ZBTB16: variants seen among roughly 807,000 people sequenced by gnomAD.
The protein encoded by ZBTB16 is zinc finger and BTB domain-containing protein 16.
Under a neutral mutation model 56.8 loss-of-function variants are expected in ZBTB16, and 8 were observed. The ratio of observed to expected loss-of-function variants is 0.14; its 90% CI spans 0.08 to 0.25. ZBTB16 has a LOEUF of 0.25. Among genes scored for constraint, ZBTB16 ranks in the 10% least tolerant of loss-of-function variants. The pLI is 1.00. For missense variants in ZBTB16, 625 were observed against 903.0 expected, an observed-to-expected ratio of 0.69 and a Z score of 3.95; for synonymous variants, 363 against 368.5, an observed-to-expected ratio of 0.98 and a Z score of 0.17.
chr11:114,137,541 A>G (rs1941830277), intron 2 of ZBTB16, among the ~76,000 whole-genome samples: 1 of 152,192 alleles, frequency 6.6e-6, no homozygotes, highest in South Asian at 2.1e-4. Flanking sequence ...TTATATGACT[A>G]GACTTGAGGA....
chr11:114,191,617 C>A (rs753850532), intron 4 of ZBTB16, among the ~76,000 whole-genome samples: 1 of 152,158 alleles, frequency 6.6e-6, no homozygotes, highest in Non-Finnish European at 1.5e-5. Context: ...GAGTGTTGTC[C>A]GTGGGCTAAA....
intron 4 of ZBTB16, among the ~76,000 whole-genome samples, chr11:114,205,052 C>T (rs1459674585): frequency 2.6e-5 from 4 of 152,018 alleles, no homozygotes; most frequent in African/African-American, 9.7e-5. Flanking sequence ...TATCCCAGGC[C>T]CAACTAGGGA....
chr11:114,207,952 T>C (rs1474159582), intron 4 of ZBTB16, among the ~76,000 whole-genome samples: 1 of 152,248 alleles, frequency 6.6e-6, no homozygotes, highest in Non-Finnish European at 1.5e-5. Flanking sequence ...TTTCACTCTG[T>C]TGGCCCGGCT....
At chr11:114,239,725 C>T (rs1362439416) in intron 4 of ZBTB16, among the ~76,000 whole-genome samples, 3 of 152,136 alleles carry the variant, frequency 2.0e-5, no homozygotes, top group Non-Finnish European at 4.4e-5. Context: ...CCACTCCTGG[C>T]CAGGGGTTCT....
chr11:114,145,359 T>C (rs184372910), intron 2 of ZBTB16, among the ~76,000 whole-genome samples: 2,757 of 152,338 alleles, frequency 0.018, 47 homozygotes, highest in African/African-American at 0.039. Flanking sequence ...ATAAAACTTG[T>C]ACACAAATGT....
At chr11:114,217,811 GC>G (rs1409661091) in intron 4 of ZBTB16, among the ~76,000 whole-genome samples, 3 of 152,180 alleles carry the variant, frequency 2.0e-5, no homozygotes, top group African/African-American at 4.8e-5. Flanking sequence ...GCAGAGAAGG[GC>G]CTCCTGCAGC....
intron 2 of ZBTB16, among the ~76,000 whole-genome samples, chr11:114,088,703 C>A (rs950260502): frequency 6.6e-6 from 1 of 152,224 alleles, no homozygotes; most frequent in Non-Finnish European, 1.5e-5. Flanking sequence ...GGGTTAACTA[C>A]CCAGGCAGTA....
At chr11:114,226,444 C>T (rs1944330005) in intron 4 of ZBTB16, among the ~76,000 whole-genome samples, 1 of 152,122 alleles carries the variant, frequency 6.6e-6, no homozygotes, top group Non-Finnish European at 1.5e-5. Context: ...TCTGCCCCAG[C>T]ATCAACCCCA....
Position 114,247,252 on chromosome 11 carries a change from C to A in ZBTB16, c.1679C>A (p.Thr560Lys). The A allele has an allele frequency of 6.2e-7, 1 of 1,614,258 alleles. No homozygotes were observed. The highest frequency in any genetic ancestry group is 1.1e-5 in the South Asian group (1 of 91,088). ...FCGSCFRDES[T>K]LKSHKRIHTG... is the part of the protein sequence containing the mutation. ...GGCAGCTGCTTCCGGGATGAGAGCACACTCAAGAGCCACAAACGCATCCAC... is the reference window on the plus strand; with the variant it reads ...GGCAGCTGCTTCCGGGATGAGAGCAAACTCAAGAGCCACAAACGCATCCAC... The change falls in exon 6 of 7, where the codon ACA (threonine) becomes AAA (lysine). Residue 560 changes from threonine (T) to lysine (K), a missense_variant. Thr to Lys is a moderately conservative substitution (Grantham distance 78). Transcript: ENST00000335953.
At chr11:114,171,399 C>T (rs1167578605) in intron 3 of ZBTB16, among the ~76,000 whole-genome samples, 6 of 152,186 alleles carry the variant, frequency 3.9e-5, no homozygotes, top group South Asian at 2.1e-4. Flanking sequence ...AGCTAGGAGC[C>T]GGCTCAGTGG....
chr11:114,198,623 G>A (rs943242469), intron 4 of ZBTB16, among the ~76,000 whole-genome samples: 3 of 152,142 alleles, frequency 2.0e-5, no homozygotes, highest in Non-Finnish European at 4.4e-5. Flanking sequence ...TAGCAAAATG[G>A]AATGGAGAGT....
At chr11:114,233,095 A>C (rs1448612106) in intron 4 of ZBTB16, among the ~76,000 whole-genome samples, 3 of 32,772 alleles carry the variant, frequency 9.2e-5, no homozygotes, top group Admixed American at 4.2e-4. Flanking sequence ...ACACACACAC[A>C]CACACACACA....
chr11:114,248,554 G>A (rs902663406), intron 6 of ZBTB16, among the ~76,000 whole-genome samples: 3 of 152,278 alleles, frequency 2.0e-5, no homozygotes, highest in South Asian at 2.1e-4. Context: ...AAACAAAGAC[G>A]CCCCCTCTGA....
intron 4 of ZBTB16, among the ~76,000 whole-genome samples, chr11:114,205,092 A>T (rs929398307): frequency 1.3e-5 from 2 of 152,182 alleles, no homozygotes. Flanking sequence ...AGCCCCAACC[A>T]GGCATTAGGA....
chr11:114,124,749 G>T lies in ZBTB16; in HGVS notation c.1269-31588G>T, dbSNP rs17116435. Reference sequence around the variant, plus strand: ...AAGTCAGGCTGATGAAAATCTCTCCGTTCTAATGACTGTGCAGGGTACACC... The same window carrying T: ...AAGTCAGGCTGATGAAAATCTCTCCTTTCTAATGACTGTGCAGGGTACACC... On this transcript the variant is annotated intron_variant, in intron 2 of 6. Transcript: ENST00000335953. Among the ~76,000 whole-genome samples, 465 of 152,226 alleles carry T rather than the reference G, an allele frequency of 3.1e-3. 6 individuals are homozygous for T. In the East Asian group the frequency reaches 0.032, roughly 11 times the overall value.
At chr11:114,199,157 G>A (rs1943673276) in intron 4 of ZBTB16, among the ~76,000 whole-genome samples, 5 of 152,366 alleles carry the variant, frequency 3.3e-5, no homozygotes, top group South Asian at 4.1e-4. Context: ...TGCCAGACAC[G>A]GATGCTGGGC....
intron 4 of ZBTB16, chr11:114,188,355 A>G (rs1039964917): frequency 6.6e-6 from 1 of 152,244 alleles, no homozygotes; most frequent in East Asian, 1.9e-4. Context: ...GTAGAGTCTT[A>G]TAGTTCAGAG....
rs769461996 is a variant in ZBTB16 at position 114,064,244 on chromosome 11, C to T, written c.944C>T (p.Ala315Val). The T allele has an allele frequency of 8.1e-6, 13 of 1,613,872 alleles. No individual in the cohort carries two copies. In the South Asian group the frequency reaches 1.2e-4, roughly 15 times the overall value. ...CCACCCCCAGCTGAGGCTGGCCAGGCCCCCACTGGCCGACCTGAGCACCCA... is the reference window on the plus strand; with the variant it reads ...CCACCCCCAGCTGAGGCTGGCCAGGTCCCCACTGGCCGACCTGAGCACCCA... ...QVPPPAEAGQAPTGRPEHPAP... is the reference protein window; with the variant it reads ...QVPPPAEAGQVPTGRPEHPAP... Residue 315 changes from alanine (A) to valine (V), a missense_variant, in exon 2 of 7, where the codon GCC becomes GTC. Transcript: ENST00000335953. This position sits in a 1 kb window ranked among gnomAD's most constrained non-coding sequence, Gnocchi z 4.2.
intron 2 of ZBTB16, among the ~76,000 whole-genome samples, chr11:114,109,854 G>C (rs1051287058): frequency 2.0e-5 from 3 of 152,124 alleles, no homozygotes; most frequent in Non-Finnish European, 4.4e-5. Context: ...TATGTTGAGG[G>C]AAAGGAAGGA....
Sources: allele counts gnomAD v4.1 joint callset (sites outside exome capture counted in the v4.1 genomes callset), GRCh38; gene constraint gnomAD v4.1.1; non-coding constraint Gnocchi (gnomAD v3.1); transcripts MANE v1.5; gene names NCBI Gene and HGNC (gene_info 2026-07-23, HGNC 2026-07-21).